NSUN6: variants seen among roughly 807,000 people sequenced by gnomAD.
NSUN6 encodes tRNA (cytosine(72)-C(5))-methyltransferase NSUN6.
A neutral mutation model predicts 58.0 loss-of-function variants in NSUN6; 64 were observed. The observed-to-expected ratio is 1.10, with a 90% CI of 0.90 to 1.36. NSUN6 has a LOEUF of 1.36. NSUN6 is among the 40% of genes most tolerant of loss of function. The pLI, the probability that NSUN6 is intolerant of heterozygous loss-of-function variation, is 0.00. For missense variants in NSUN6, 701 were observed against 550.1 expected (o/e 1.27, Z -2.74); for synonymous variants, 231 against 193.9 (o/e 1.19, Z -1.59).
At chr10:18,657,758 C>T (rs185304201), upstream of NSUN6, among the ~76,000 whole-genome samples, 247 of 152,066 alleles carry the variant, frequency 1.6e-3, 1 homozygote, top group Non-Finnish European at 2.5e-3. Flanking sequence ...GGATTACAGG[C>T]GCGTGCCACC....
upstream of NSUN6, chr10:18,658,210 G>A (rs2059798965): frequency 6.6e-6 from 1 of 152,222 alleles, no homozygotes; most frequent in African/African-American, 2.4e-5. Context: ...ATAGGAGGTT[G>A]AAACTTGCCT....
chr10:18,563,548 T>C (rs765329505), intron 8 of NSUN6, among the ~76,000 whole-genome samples: 2 of 150,816 alleles, frequency 1.3e-5, no homozygotes, highest in Non-Finnish European at 3.0e-5. Flanking sequence ...GAGAGTAGAA[T>C]GGAAAGTGGA....
chr10:18,577,682 G>T (rs1349043961), intron 8 of NSUN6, among the ~76,000 whole-genome samples: 20 of 152,272 alleles, frequency 1.3e-4, no homozygotes, highest in Non-Finnish European at 1.5e-5. Context: ...TCTCTTCAAA[G>T]AATCAATATG....
At chr10:18,638,912 T>G (rs2059305082) in intron 3 of NSUN6, among the ~76,000 whole-genome samples, 1 of 146,676 alleles carries the variant, frequency 6.8e-6, no homozygotes. Context: ...TGAATTATAC[T>G]TGGGAAATAA....
At chr10:18,642,651 C>T (rs7897159) in intron 2 of NSUN6, 96 bp from the exon 3 acceptor site, 123,167 of 636,456 alleles carry the variant, frequency 0.19, 12,796 homozygotes, top group South Asian at 0.29. Flanking sequence ...CAGCATGAAG[C>T]CCTAGTAGCT....
At chr10:18,550,173 G>A (rs939215568) in intron 9 of NSUN6, among the ~76,000 whole-genome samples, 1 of 152,194 alleles carries the variant, frequency 6.6e-6, no homozygotes, top group Non-Finnish European at 1.5e-5. Flanking sequence ...CATTTTTGCT[G>A]TGACCTAATA....
intron 3 of NSUN6, among the ~76,000 whole-genome samples, chr10:18,618,520 T>C (rs2058490800): frequency 6.6e-6 from 1 of 151,844 alleles, no homozygotes; most frequent in Non-Finnish European, 1.5e-5. Flanking sequence ...CCGTCTCTAC[T>C]AAAAATACAA....
At chr10:18,623,076 T>A (rs2058667960) in intron 3 of NSUN6, among the ~76,000 whole-genome samples, 1 of 152,186 alleles carries the variant, frequency 6.6e-6, no homozygotes. Flanking sequence ...TTCCAGAAAT[T>A]AAAATATATT....
intron 6 of NSUN6, among the ~76,000 whole-genome samples, chr10:18,600,945 T>TATATATATATATATAC: frequency 1.4e-5 from 1 of 71,168 alleles, no homozygotes; most frequent in Non-Finnish European, 2.7e-5. Flanking sequence ...AAAAAAAATA[T>TATATATATATATATAC]ATATATATAT....
intron 6 of NSUN6, among the ~76,000 whole-genome samples, chr10:18,605,118 C>G (rs1203464487): frequency 6.6e-6 from 1 of 151,186 alleles, no homozygotes; most frequent in Non-Finnish European, 1.5e-5. Flanking sequence ...ATCTCCTGAC[C>G]TCGTAATCCG....
At chr10:18,634,110 T>C (rs1227494007) in intron 3 of NSUN6, among the ~76,000 whole-genome samples, 4 of 152,216 alleles carry the variant, frequency 2.6e-5, no homozygotes, top group South Asian at 2.1e-4. Flanking sequence ...TCTGCATTCA[T>C]TGGTGGCACA....
chr10:18,616,209 G>C lies in NSUN6; in HGVS notation c.396C>G (p.Ala132=). ...NAVLRGAHVY[A]PGIVSASQFM... is the part of the protein sequence containing the mutation. ...ATTGTGATGCTGACACAATTCCTGG[G>C]GCATAGACATGGGCTCCTCTTAAAA... The change falls in exon 4 of 11, where the codon GCC becomes GCG. Residue 132 remains alanine (A), a synonymous_variant. Transcript: ENST00000377304. 1.9e-6 allele frequency: 3 copies of C among 1,588,676 alleles called. No homozygotes were observed. The East Asian group carries it at 6.7e-5, about 36-fold the overall frequency.
chr10:18,585,417 CG>C lies in NSUN6; in HGVS notation c.922+531del, dbSNP rs562571046. 3.3e-3 allele frequency among the ~76,000 whole-genome samples: 509 copies of C among 152,118 alleles called. 3 individuals carry two copies. The highest frequency in any genetic ancestry group is 4.7e-3 in the Non-Finnish European group (319 of 67,994). ...TCAAGATATGGAATCCATCAAGAAA[CG>C]AATGAATAAAGAAAATGTGGTACAT... On this transcript the variant is annotated intron_variant, in intron 8 of 10. Transcript: ENST00000377304.
upstream of NSUN6, among the ~76,000 whole-genome samples, chr10:18,656,126 A>G (rs1464685003): frequency 6.6e-6 from 1 of 152,226 alleles, no homozygotes; most frequent in East Asian, 1.9e-4. Context: ...CTCTCAATAG[A>G]TATTTACAGA....
At chr10:18,578,249 T>TTC (rs2056753616) in intron 8 of NSUN6, among the ~76,000 whole-genome samples, 1 of 144,848 alleles carries the variant, frequency 6.9e-6, no homozygotes, top group Non-Finnish European at 1.5e-5. Flanking sequence ...TTTTTTTTTT[T>TTC]TGAGATGGAG....
chr10:18,555,706 A>T (rs1295709538), intron 8 of NSUN6, among the ~76,000 whole-genome samples: 7 of 151,144 alleles, frequency 4.6e-5, no homozygotes, highest in South Asian at 4.2e-4. Context: ...AGTGGAATGG[A>T]ATGGAGAATG....
intron 3 of NSUN6, among the ~76,000 whole-genome samples, chr10:18,641,682 A>G (rs1303035008): frequency 3.3e-5 from 5 of 151,674 alleles, no homozygotes; most frequent in Non-Finnish European, 7.4e-5. Context: ...CCTGAAACCT[A>G]TTTTTCAATT....
chr10:18,648,701 T>A (rs1331587036), intron 1 of NSUN6, 56 bp from the exon 2 acceptor site: 8 of 942,236 alleles, frequency 8.5e-6, no homozygotes, highest in Non-Finnish European at 8.3e-6. Flanking sequence ...CAGCAGAGCA[T>A]CCTTATATAT....
upstream of NSUN6, chr10:18,652,569 CTTTTT>C (rs532727978): frequency 1.7e-4 from 154 of 897,042 alleles, no homozygotes; most frequent in Non-Finnish European, 1.8e-4. Flanking sequence ...TTTCTCTGCT[CTTTTT>C]TTTTTTTTTT....
Sources: allele counts gnomAD v4.1 joint callset (sites outside exome capture counted in the v4.1 genomes callset), GRCh38; gene constraint gnomAD v4.1.1; transcripts MANE v1.5; gene names NCBI Gene and HGNC (gene_info 2026-07-23, HGNC 2026-07-21).